Variants in SKI observed in about 807,000 individuals in gnomAD.
SKI encodes the protein SKI proto-oncogene, also known as ski oncogene.
SKI carries 23 observed loss-of-function variants against 59.3 expected under a neutral mutation model. The ratio of observed to expected loss-of-function variants is 0.39; its 90% CI spans 0.28 to 0.55. The LOEUF is 0.55. Among genes scored for constraint, SKI ranks in the 20% least tolerant of loss-of-function variants. The pLI, the probability that SKI is intolerant of heterozygous loss-of-function variation, is 0.67. For missense variants in SKI, 1,017 were observed against 1,038.9 expected, an observed-to-expected ratio of 0.98 and a Z score of 0.29; for synonymous variants, 673 against 488.6, an observed-to-expected ratio of 1.38 and a Z score of -4.98.
chr1:2,294,058 A>C (rs80018648), intron 1 of SKI, among the ~76,000 whole-genome samples: 2,285 of 152,042 alleles, frequency 0.015, 35 homozygotes, highest in African/African-American at 0.04. Flanking sequence ...CTCATGTCAG[A>C]TATTGGAAGG....
At chr1:2,235,036 TTTG>T (rs1638722996) in intron 1 of SKI, among the ~76,000 whole-genome samples, 1 of 140,534 alleles carries the variant, frequency 7.1e-6, no homozygotes, top group Non-Finnish European at 1.5e-5. Context: ...AGGGTTTTTT[TTTG>T]TTGTTATTTT....
chr1:2,228,868 C>T lies in SKI; in HGVS notation c.102C>T (p.Gly34=). ...TGAGCTCCATGAGCTCGCTGGGCGG[C>T]CCGGCCGCTTTCTCGGCGCGCTGGG... is the stretch of plus-strand genomic sequence containing the variant. ...FHLSSMSSLG[G]PAAFSARWAQ... The change falls in exon 1 of 7, where the codon GGC becomes GGT. Residue 34 remains glycine (G), a synonymous_variant. Coordinates refer to ENST00000378536, the MANE Select transcript of SKI (RefSeq NM_003036.4). 1.4e-6 allele frequency: 2 copies of T among 1,430,752 alleles called. No homozygotes were observed. Among genetic ancestry groups the T allele is most frequent in the Non-Finnish European group, 9.2e-7 (1 of 1,088,648 alleles). 88.6% of individuals were successfully genotyped at this position (1,430,752 alleles called of 1,614,324 possible). A position where few individuals can be genotyped will look rare whatever the true frequency, so the allele number is the denominator to read the frequency against.
At chr1:2,272,648 T>G (rs1440009629) in intron 1 of SKI, among the ~76,000 whole-genome samples, 1 of 152,250 alleles carries the variant, frequency 6.6e-6, no homozygotes, top group African/African-American at 2.4e-5. Flanking sequence ...CCCCTGAAAT[T>G]AAATACAACC....
chr1:2,258,529 G>A (rs1639320340), intron 1 of SKI, among the ~76,000 whole-genome samples: 1 of 148,934 alleles, frequency 6.7e-6, no homozygotes, highest in East Asian at 2.0e-4. Flanking sequence ...TCTCCCATGA[G>A]TGGCTTGGTC....
intron 1 of SKI, among the ~76,000 whole-genome samples, chr1:2,249,054 T>C (rs1040740259): frequency 1.3e-5 from 2 of 152,098 alleles, no homozygotes; most frequent in Admixed American, 1.3e-4. Context: ...ATGCCTGGAG[T>C]GTGCGAGGCT....
In SKI at chr1:2,268,272, A is replaced by G. The variant is rs1295984722; in HGVS notation, c.970-34706A>G. ...CTTTCTTGCCCCTCCAGTGCCTCCCAGGGGGCTGTGTAGCCAGGTGTCTCA... is the reference window on the plus strand; with the variant it reads ...CTTTCTTGCCCCTCCAGTGCCTCCCGGGGGGCTGTGTAGCCAGGTGTCTCA... On this transcript the variant is annotated intron_variant, in intron 1 of 6. Coordinates refer to ENST00000378536, the MANE Select transcript of SKI (RefSeq NM_003036.4). The surrounding 1 kb of genome is among the most constrained non-coding windows in gnomAD (Gnocchi z 5.0). 6.6e-6 allele frequency among the ~76,000 whole-genome samples: 1 copy of G among 151,930 alleles called. No individual in the cohort carries two copies. Among genetic ancestry groups the G allele is most frequent in the Non-Finnish European group, 1.5e-5 (1 of 67,954 alleles).
intron 5 of SKI, among the ~76,000 whole-genome samples, 160 bp from the exon 6 acceptor site, chr1:2,305,860 G>A (rs796230950): frequency 6.6e-6 from 1 of 152,184 alleles, no homozygotes; most frequent in Non-Finnish European, 1.5e-5. Flanking sequence ...TTGTGGGGTC[G>A]GGGCACCACA....
intron 1 of SKI, among the ~76,000 whole-genome samples, chr1:2,234,386 G>A (rs887830387): frequency 9.8e-5 from 15 of 152,342 alleles, no homozygotes; most frequent in Non-Finnish European, 1.5e-4. Flanking sequence ...GCAGGGTCAC[G>A]GTGGGGGGGC....
At chr1:2,298,939 G>A (rs188971273) in intron 1 of SKI, among the ~76,000 whole-genome samples, 1 of 152,310 alleles carries the variant, frequency 6.6e-6, no homozygotes, top group African/African-American at 2.4e-5. Context: ...CCTGGTGTGG[G>A]AGCTGCCTTC....
intron 1 of SKI, among the ~76,000 whole-genome samples, chr1:2,238,749 T>A (rs767597445): frequency 1.4e-4 from 21 of 152,370 alleles, no homozygotes; most frequent in Non-Finnish European, 2.2e-4. Flanking sequence ...GCCTGTGTCC[T>A]GTGGGCTGGC....
At chr1:2,259,502 A>C (rs1024779591) in intron 1 of SKI, among the ~76,000 whole-genome samples, 1 of 152,218 alleles carries the variant, frequency 6.6e-6, no homozygotes, top group Non-Finnish European at 1.5e-5. Flanking sequence ...GAAGCCTGGA[A>C]TATAAGGGTG....
At chr1:2,272,663 A>G (rs1010692538) in intron 1 of SKI, among the ~76,000 whole-genome samples, 2 of 152,224 alleles carry the variant, frequency 1.3e-5, no homozygotes, top group African/African-American at 4.8e-5. Context: ...ACAACCATGT[A>G]TTTTAAATGG....
intron 1 of SKI, among the ~76,000 whole-genome samples, chr1:2,266,945 G>A (rs1420868992): frequency 6.6e-6 from 1 of 152,158 alleles, no homozygotes; most frequent in Admixed American, 6.5e-5. Context: ...TCTGCTTCAG[G>A]GAGGAAGGTG....
At chr1:2,237,248 G>T (rs1340740969) in intron 1 of SKI, among the ~76,000 whole-genome samples, 1 of 152,146 alleles carries the variant, frequency 6.6e-6, no homozygotes, top group Non-Finnish European at 1.5e-5. Context: ...GGCAGGGAGC[G>T]CCCAGCAGGT....
intron 1 of SKI, among the ~76,000 whole-genome samples, chr1:2,278,223 G>A (rs1639788122): frequency 6.6e-6 from 1 of 152,230 alleles, no homozygotes; most frequent in Non-Finnish European, 1.5e-5. Flanking sequence ...CATGGGCAGG[G>A]CTGTCTGAAC....
At chr1:2,286,802 C>T (rs980794907) in intron 1 of SKI, among the ~76,000 whole-genome samples, 3 of 152,192 alleles carry the variant, frequency 2.0e-5, no homozygotes, top group Non-Finnish European at 4.4e-5. Flanking sequence ...GGGACCAACG[C>T]GACCTCCTCC....
chr1:2,278,330 T>C (rs1289749227), intron 1 of SKI, among the ~76,000 whole-genome samples: 1 of 152,208 alleles, frequency 6.6e-6, no homozygotes, highest in Non-Finnish European at 1.5e-5. Flanking sequence ...TTCACTGTCC[T>C]GCTGTGAGAC....
At chr1:2,290,715 G>A (rs1640143406) in intron 1 of SKI, among the ~76,000 whole-genome samples, 1 of 152,166 alleles carries the variant, frequency 6.6e-6, no homozygotes, top group African/African-American at 2.4e-5. Flanking sequence ...ACTGGTCTGA[G>A]GGCCCCTTCT....
chr1:2,255,430 AT>A (rs1639252545), intron 1 of SKI, among the ~76,000 whole-genome samples: 1 of 151,994 alleles, frequency 6.6e-6, no homozygotes, highest in Non-Finnish European at 1.5e-5. Context: ...TCCTGACTTC[AT>A]TTCCTGTCTG....
Sources: allele counts gnomAD v4.1 joint callset (sites outside exome capture counted in the v4.1 genomes callset), GRCh38; gene constraint gnomAD v4.1.1; non-coding constraint Gnocchi (gnomAD v3.1); transcripts MANE v1.5; gene names NCBI Gene and HGNC (gene_info 2026-07-23, HGNC 2026-07-21).